The following EVI5L variants were observed in gnomAD, a reference collection of about 807,000 sequenced individuals.
The protein encoded by EVI5L is EVI5-like protein.
EVI5L carries 30 observed loss-of-function variants against 106.1 expected under a neutral mutation model. The observed-to-expected ratio is 0.28, with a 90% CI of 0.21 to 0.38. The LOEUF (loss-of-function observed/expected upper bound fraction) is 0.38. EVI5L is among the 10% of genes least tolerant of loss of function. The pLI, the probability that EVI5L is intolerant of heterozygous loss-of-function variation, is 1.00. For synonymous variants in EVI5L, 489 were observed against 483.3 expected, an observed-to-expected ratio of 1.01 and a Z score of -0.15; for missense variants, 809 against 1,098.0, an observed-to-expected ratio of 0.74 and a Z score of 3.72.
intron 1 of EVI5L, among the ~76,000 whole-genome samples, chr19:7,841,498 T>C (rs747598120): frequency 6.6e-6 from 1 of 151,534 alleles, no homozygotes; most frequent in Non-Finnish European, 1.5e-5. Context: ...ATGACCAGCA[T>C]TCCAGCACTT....
intron 2 of EVI5L, 127 bp from the exon 3 acceptor site, chr19:7,847,605 A>AAT (rs1979015210): frequency 1.1e-6 from 1 of 933,302 alleles, no homozygotes; most frequent in Non-Finnish European, 1.6e-6. Flanking sequence ...GAAAAAAAAA[A>AAT]GAACAAGAGG....
chr19:7,836,931 C>A (rs932568399), intron 1 of EVI5L, among the ~76,000 whole-genome samples: 4 of 151,846 alleles, frequency 2.6e-5, no homozygotes, highest in African/African-American at 9.7e-5. Context: ...CCGCACCCAG[C>A]CTTTATTATT....
chr19:7,836,825 T>G (rs1297431250), intron 1 of EVI5L, among the ~76,000 whole-genome samples: 1 of 150,956 alleles, frequency 6.6e-6, no homozygotes, highest in African/African-American at 2.4e-5. Context: ...AGAGACAGGG[T>G]TTCACCATGT....
At chr19:7,840,335 A>G (rs8100820) in intron 1 of EVI5L, among the ~76,000 whole-genome samples, 73,453 of 152,120 alleles carry the variant, frequency 0.48, 17,790 homozygotes, top group Admixed American at 0.54. Context: ...AAAATTAGCC[A>G]GGCATGGCGG....
intron 1 of EVI5L, among the ~76,000 whole-genome samples, chr19:7,842,365 A>AGTGT (rs1445818506): frequency 1.2e-4 from 16 of 138,144 alleles, no homozygotes; most frequent in African/African-American, 2.9e-4. Flanking sequence ...ATGTGTATCA[A>AGTGT]GTGCGTGCAT....
Position 7,857,179 on chromosome 19 carries a change from C to A in EVI5L, c.1233+55C>A. The A allele has an allele frequency of 1.3e-6, 2 of 1,545,534 alleles. No homozygotes were observed. Among genetic ancestry groups the A allele is most frequent in the Admixed American group, 3.9e-5 (2 of 51,004 alleles). On this transcript the variant is annotated intron_variant, in intron 12 of 19. Coordinates refer to ENST00000538904, the MANE Select transcript of EVI5L (RefSeq NM_001159944.3). The surrounding 1 kb of genome is among the most constrained non-coding windows in gnomAD (Gnocchi z 4.5). ...TTCCTTCCTGGCCCCTTCCCTGCAC[C>A]CTGCACATGACAGCCAGTAACCGCC...
At position 7,847,720 on chromosome 19, in the gene EVI5L, C is replaced by T. The variant is rs1291686558; in HGVS notation, c.138-12C>T. The T allele has an allele frequency of 1.9e-6, 3 of 1,607,740 alleles. No homozygotes were observed. Among genetic ancestry groups the T allele is most frequent in the South Asian group, 1.1e-5 (1 of 90,382 alleles). ...AGTCACTGGTTCCCCTCTGTCGGCC[C>T]TTCCTGCCCAGGCTCCTGGAGGCCG... is the stretch of plus-strand genomic sequence containing the variant. On this transcript the variant is annotated splice_polypyrimidine_tract_variant and intron_variant, in intron 2 of 19. Coordinates refer to ENST00000538904, the MANE Select transcript of EVI5L (RefSeq NM_001159944.3).
chr19:7,842,662 A>G (rs1875930158), intron 1 of EVI5L, among the ~76,000 whole-genome samples: 1 of 151,474 alleles, frequency 6.6e-6, no homozygotes, highest in Admixed American at 6.6e-5. Flanking sequence ...TTTATGTATC[A>G]AGTGTGTGCA....
In EVI5L at chr19:7,842,378, G is replaced by C. The variant is rs552932493; in HGVS notation, c.-47-4118G>C. Among the ~76,000 whole-genome samples, 192 of 134,012 alleles carry C rather than the reference G, an allele frequency of 1.4e-3. 1 individual carries two copies. In the South Asian group the frequency reaches 0.015, roughly 10 times the overall value. 87.9% of individuals were successfully genotyped at this position (134,012 alleles called of 152,430 possible). Reference sequence around the variant, plus strand: ...GAATGTGTATCAAGTGCGTGCATGTGTGTGCATGTCTGTGAGAATGTGAGT... The same window carrying C: ...GAATGTGTATCAAGTGCGTGCATGTCTGTGCATGTCTGTGAGAATGTGAGT... On this transcript the variant is annotated intron_variant, in intron 1 of 19. Transcript: ENST00000538904.
rs1379965463 is a variant in EVI5L at position 7,862,294 on chromosome 19, T to C, written c.1800+17T>C. On this transcript the variant is annotated intron_variant, in intron 16 of 19. Coordinates refer to ENST00000538904, the MANE Select transcript of EVI5L (RefSeq NM_001159944.3). ...GAGACGCAGGTGGACTCGGGGGGCCTGCTCGTTGGGGAAGGGGCGTGGTGT... is the reference window on the plus strand; with the variant it reads ...GAGACGCAGGTGGACTCGGGGGGCCCGCTCGTTGGGGAAGGGGCGTGGTGT... 3 of 1,583,084 alleles carry C rather than the reference T, an allele frequency of 1.9e-6. No individual in the cohort carries two copies. Among genetic ancestry groups the C allele is most frequent in the Non-Finnish European group, 2.6e-6 (3 of 1,164,734 alleles).
chr19:7,843,885 T>C (rs979438370), intron 1 of EVI5L, among the ~76,000 whole-genome samples: 1 of 151,642 alleles, frequency 6.6e-6, no homozygotes, highest in Non-Finnish European at 1.5e-5. Context: ...TGGGGATGAG[T>C]GGAGAGAAAG....
chr19:7,832,001 G>A (rs985566058), intron 1 of EVI5L, among the ~76,000 whole-genome samples: 1 of 152,278 alleles, frequency 6.6e-6, no homozygotes, highest in African/African-American at 2.4e-5. Flanking sequence ...AGAGGCTCGA[G>A]TGGAACATGA....
intron 1 of EVI5L, among the ~76,000 whole-genome samples, chr19:7,844,686 T>C: frequency 6.6e-6 from 1 of 152,214 alleles, no homozygotes; most frequent in East Asian, 1.9e-4. Context: ...GCCCAGCAGC[T>C]TGGTCTTTAG....
chr19:7,839,254 G>C (rs534155808), intron 1 of EVI5L, among the ~76,000 whole-genome samples: 100 of 151,768 alleles, frequency 6.6e-4, no homozygotes, highest in African/African-American at 2.2e-3. Flanking sequence ...AGTGAGCCGA[G>C]ATCGCGCCAC....
At chr19:7,832,093 T>C (rs1978295846) in intron 1 of EVI5L, among the ~76,000 whole-genome samples, 1 of 152,196 alleles carries the variant, frequency 6.6e-6, no homozygotes, top group East Asian at 1.9e-4. Flanking sequence ...TCTTTCCGTC[T>C]TTTGTGGCTC....
rs1484202067 is a variant in EVI5L, at chr19:7,835,480, C to G, written c.-48+5099C>G. On this transcript the variant is annotated intron_variant, in intron 1 of 19. Coordinates refer to ENST00000538904, the MANE Select transcript of EVI5L (RefSeq NM_001159944.3). This position sits in a 1 kb window ranked among gnomAD's most constrained non-coding sequence, Gnocchi z 4.1. ...CCAAGATCGTGCCACTGCACTCCAG[C>G]CTGGGTGACAGAGGTAGACTCGGTT... is the stretch of plus-strand genomic sequence containing the variant. Among the ~76,000 whole-genome samples, 1 of 152,062 alleles carries G rather than the reference C, an allele frequency of 6.6e-6. No individual in the cohort carries two copies. The highest frequency in any genetic ancestry group is 6.5e-5 in the Admixed American group (1 of 15,270).
At chr19:7,862,932 C>G in intron 17 of EVI5L, 40 bp from the exon 18 acceptor site, 3 of 1,385,368 alleles carry the variant, frequency 2.2e-6, no homozygotes, top group South Asian at 1.3e-5. Flanking sequence ...CGCCGCGCCC[C>G]CTGACCCGCC....
chr19:7,839,220 G>A (rs939664672), intron 1 of EVI5L, among the ~76,000 whole-genome samples: 10 of 149,578 alleles, frequency 6.7e-5, no homozygotes, highest in East Asian at 4.0e-4. Context: ...GGAGAATGGC[G>A]TGAACCCAGG....
rs978126832 is a variant in EVI5L, at chr19:7,848,363, G to A, written c.327+442G>A. Among the ~76,000 whole-genome samples the A allele has an allele frequency of 1.3e-4, 20 of 152,270 alleles. No homozygotes were observed. The highest frequency in any genetic ancestry group is 7.7e-4 in the East Asian group (4 of 5,176). Reference sequence around the variant, plus strand: ...TGTAATCCCAGTTCGTTGGAAGGTCGAGGCAGGCAGATCACCTAAGGTCAG... The same window carrying A: ...TGTAATCCCAGTTCGTTGGAAGGTCAAGGCAGGCAGATCACCTAAGGTCAG... On this transcript the variant is annotated intron_variant, in intron 3 of 19. Coordinates refer to ENST00000538904, the MANE Select transcript of EVI5L (RefSeq NM_001159944.3). This position sits in a 1 kb window ranked among gnomAD's most constrained non-coding sequence, Gnocchi z 4.8.
Sources: allele counts gnomAD v4.1 joint callset (sites outside exome capture counted in the v4.1 genomes callset), GRCh38; gene constraint gnomAD v4.1.1; non-coding constraint Gnocchi (gnomAD v3.1); transcripts MANE v1.5; gene names NCBI Gene and HGNC (gene_info 2026-07-23, HGNC 2026-07-21).